The following AGT variants were observed in gnomAD, a reference collection of about 807,000 sequenced individuals.
AGT encodes the protein angiotensinogen.
A neutral mutation model predicts 28.1 loss-of-function variants in AGT; 26 were observed. That is an observed-to-expected ratio of 0.92 (90% CI 0.68 to 1.28). The LOEUF (loss-of-function observed/expected upper bound fraction) is 1.28, where lower values mean the gene tolerates loss of function less well. Among genes scored for constraint, AGT ranks in the 50% most tolerant of loss-of-function variants. The pLI is 0.00. For missense variants in AGT, 596 were observed against 592.3 expected (o/e 1.01, Z -0.06); for synonymous variants, 259 against 259.6 (o/e 1.00, Z 0.02).
chr1:230,730,385 T>G (rs1664031681), intron 1 of AGT, among the ~76,000 whole-genome samples: 1 of 152,136 alleles, frequency 6.6e-6, no homozygotes. Context: ...GGATACCCTA[T>G]ATTTTAACCC....
chr1:230,740,052 A>G (rs144764482), intron 1 of AGT, among the ~76,000 whole-genome samples: 32 of 152,336 alleles, frequency 2.1e-4, no homozygotes, highest in African/African-American at 7.5e-4. Context: ...AGGGTGGATT[A>G]TTCATGAGTT....
intron 1 of AGT, among the ~76,000 whole-genome samples, chr1:230,727,293 G>A (rs1038521634): frequency 1.3e-5 from 2 of 152,152 alleles, no homozygotes; most frequent in Non-Finnish European, 2.9e-5. Context: ...TTAACCCATG[G>A]GTGGCCCCCC....
At chr1:230,728,234 T>C (rs1385074552) in intron 1 of AGT, among the ~76,000 whole-genome samples, 1 of 152,190 alleles carries the variant, frequency 6.6e-6, no homozygotes, top group African/African-American at 2.4e-5. Context: ...ATGTTAATTA[T>C]AGGAGTAATT....
Position 230,703,061 on chromosome 1 carries a change from G to A in AGT, c.*80C>T. 1.3e-6 allele frequency: 2 copies of A among 1,495,386 alleles called. No individual in the cohort carries two copies. The highest frequency in any genetic ancestry group is 2.3e-5 in the South Asian group (2 of 87,154). 92.6% of individuals were successfully genotyped at this position (1,495,386 alleles called of 1,614,324 possible). ...GGTGACACATCGCTGATTTGTCCGG[G>A]GTTGTTATCTGCTGCTGGCCTTTGC... On this transcript the variant is annotated 3_prime_UTR_variant, in exon 5 of 5. Transcript: ENST00000366667.
At chr1:230,716,580 T>C (rs560741025), upstream of AGT, among the ~76,000 whole-genome samples, 2 of 152,246 alleles carry the variant, frequency 1.3e-5, no homozygotes, top group African/African-American at 4.8e-5. Context: ...CTGATGCTGT[T>C]CTTGTGATAG....
chr1:230,710,885 G>T (rs1663571113), intron 1 of AGT, 32 bp from the exon 2 acceptor site: 2 of 1,605,068 alleles, frequency 1.2e-6, no homozygotes, highest in South Asian at 1.1e-5. Flanking sequence ...GGTGAAAGGT[G>T]GTTATTAACT....
In AGT at chr1:230,720,174, C is replaced by T. The variant is rs569558378; in HGVS notation, c.-30-9321G>A. 3.3e-5 allele frequency among the ~76,000 whole-genome samples: 5 copies of T among 152,190 alleles called. No homozygotes were observed. The South Asian group carries it at 1.0e-3, about 32-fold the overall frequency. ...TAATATGAAACACGTGGTAGAAATT[C>T]GGGCCGTGACTTCACCAAGCTCACT... On this transcript the variant is annotated intron_variant, in intron 1 of 4. Coordinates refer to the AGT transcript ENST00000681269.
upstream of AGT, among the ~76,000 whole-genome samples, chr1:230,715,298 T>C (rs11122580): frequency 0.15 from 22,128 of 152,132 alleles, 1,757 homozygotes; most frequent in African/African-American, 0.21. Flanking sequence ...TTTTTTTAAT[T>C]ACTTTGTTCC....
intron 1 of AGT, among the ~76,000 whole-genome samples, chr1:230,727,108 A>C (rs1438717730): frequency 2.6e-5 from 4 of 152,156 alleles, no homozygotes; most frequent in African/African-American, 7.2e-5. Flanking sequence ...TTAGAACCAC[A>C]GTGGGCCTTG....
chr1:230,704,101 C>T, intron 4 of AGT, 92 bp downstream of exon 4: 1 of 1,598,114 alleles, frequency 6.3e-7, no homozygotes, highest in Non-Finnish European at 8.6e-7. Context: ...GCTGGCCCCA[C>T]CCATAGCCTC....
chr1:230,727,123 A>C (rs1051844414), intron 1 of AGT, among the ~76,000 whole-genome samples: 2 of 152,084 alleles, frequency 1.3e-5, no homozygotes, highest in African/African-American at 4.8e-5. Context: ...GCCTTGGAGA[A>C]CCCTAAAATC....
In AGT at chr1:230,729,039, C is replaced by T. The variant is rs113334808; in HGVS notation, c.-31+16476G>A. 2.5e-3 allele frequency among the ~76,000 whole-genome samples: 382 copies of T among 152,326 alleles called. 3 individuals are homozygous for T. The highest frequency in any genetic ancestry group is 8.6e-3 in the African/African-American group (356 of 41,570). ...GAGACTGAGCAAAGACAGTCAGGTA[C>T]CCATGCAGTTAACTCAGTCAGGCTA... On this transcript the variant is annotated intron_variant, in intron 1 of 4. Transcript: ENST00000681269.
intron 1 of AGT, among the ~76,000 whole-genome samples, chr1:230,726,772 C>T (rs929504533): frequency 3.9e-5 from 6 of 152,084 alleles, no homozygotes; most frequent in African/African-American, 7.2e-5. Context: ...AGGAATAACA[C>T]TTAAGTGCCA....
chr1:230,743,656 T>G (rs61302238), intron 1 of AGT, among the ~76,000 whole-genome samples: 13,951 of 152,214 alleles, frequency 0.092, 893 homozygotes, highest in African/African-American at 0.16. Flanking sequence ...CTGAGATCCC[T>G]CTGCAGGATC....
Position 230,704,285 on chromosome 1 carries a change from G to T in AGT, c.1150C>A (p.Gln384Lys). The change falls in exon 4 of 5, where the codon CAG becomes AAG. Residue 384 changes from glutamine (Q) to lysine (K), a missense_variant. Physicochemically the swap from Gln to Lys is moderately conservative, Grantham distance 53. Coordinates refer to ENST00000366667, the MANE Select transcript of AGT (RefSeq NM_001384479.1). ...AGCTCAGCCTGGGCGAGCAGGTCCTGCAGGTCATAAGATCCTTGCAGCACC... is the reference window on the plus strand; with the variant it reads ...AGCTCAGCCTGGGCGAGCAGGTCCTTCAGGTCATAAGATCCTTGCAGCACC... ...QLVLQGSYDL[Q>K]DLLAQAELPA... The T allele has an allele frequency of 1.2e-6, 2 of 1,614,244 alleles. No individual in the cohort carries two copies. The highest frequency in any genetic ancestry group is 1.7e-6 in the Non-Finnish European group (2 of 1,180,050).
Position 230,710,227 on chromosome 1 carries a change from C to A in AGT, c.597G>T (p.Val199=), listed in dbSNP as rs550873625. ...GGCCTGGGGCTGTGAACACGCCCAC[C>A]ACCGTGGACAGCAGCAGCTGGGCCT... The part of the protein sequence containing the change: ...DSQAQLLLST[V]VGVFTAPGLH... Residue 199 remains valine, a synonymous_variant, in exon 2 of 5, where the codon GTG becomes GTT. Coordinates refer to ENST00000366667, the MANE Select transcript of AGT (RefSeq NM_001384479.1). 2 of 1,613,576 alleles carry A rather than the reference C, an allele frequency of 1.2e-6. No individual in the cohort carries two copies. The highest frequency in any genetic ancestry group is 2.7e-5 in the African/African-American group (2 of 74,942).
upstream of AGT, among the ~76,000 whole-genome samples, chr1:230,716,140 G>C (rs1222532995): frequency 6.6e-6 from 1 of 152,178 alleles, no homozygotes; most frequent in Admixed American, 6.5e-5. Flanking sequence ...CATGCCCAAG[G>C]CTGACTATCA....
chr1:230,710,070 A>G lies in AGT; in HGVS notation c.754T>C (p.Trp252Arg), dbSNP rs368513901. ...IDRFMQAVTG[W>R]KTGCSLMGAS... ...CCCATCAGGGAGCAGCCAGTCTTCC[A>G]TCCTGTCACAGCCTGCATGAACCTG... Residue 252 changes from tryptophan to arginine, a missense_variant, in exon 2 of 5, where the codon TGG becomes CGG. Physicochemically the swap from Trp to Arg is moderately radical, Grantham distance 101. Transcript: ENST00000366667. 9 of 1,614,080 alleles carry G rather than the reference A, an allele frequency of 5.6e-6. No homozygotes were observed. Among genetic ancestry groups the G allele is most frequent in the Middle Eastern group, 1.6e-4 (1 of 6,084 alleles).
At chr1:230,716,330 A>C (rs1040051319), upstream of AGT, among the ~76,000 whole-genome samples, 1 of 152,228 alleles carries the variant, frequency 6.6e-6, no homozygotes, top group Non-Finnish European at 1.5e-5. Context: ...TTCTGTGTTC[A>C]TTCCATCAGT....
Sources: allele counts gnomAD v4.1 joint callset (sites outside exome capture counted in the v4.1 genomes callset), GRCh38; gene constraint gnomAD v4.1.1; transcripts MANE v1.5; gene names NCBI Gene and HGNC (gene_info 2026-07-23, HGNC 2026-07-21).